The following NTRK2 variants were observed in gnomAD, a reference collection of about 807,000 sequenced individuals.
The protein encoded by NTRK2 is BDNF/NT-3 growth factors receptor.
In NTRK2, 13 loss-of-function variants were observed where a neutral mutation model predicts 94.5. That is an observed-to-expected ratio of 0.14 (90% confidence interval 0.09 to 0.22). The LOEUF (loss-of-function observed/expected upper bound fraction) is 0.22. Among genes scored for constraint, NTRK2 ranks in the 10% least tolerant of loss-of-function variants. The pLI is 1.00. For missense variants in NTRK2, 639 were observed against 1,071.2 expected (o/e 0.60, Z 5.63); for synonymous variants, 372 against 407.4 (o/e 0.91, Z 1.05).
intron 11 of NTRK2, among the ~76,000 whole-genome samples, chr9:84,748,410 T>C (rs571167578): frequency 6.6e-5 from 10 of 152,358 alleles, no homozygotes; most frequent in African/African-American, 2.2e-4. Flanking sequence ...CCACTTCCCA[T>C]TTTCTAGGTT....
At chr9:84,903,062 G>A (rs920153539) in intron 14 of NTRK2, among the ~76,000 whole-genome samples, 1 of 152,096 alleles carries the variant, frequency 6.6e-6, no homozygotes, top group Non-Finnish European at 1.5e-5. Context: ...GATTTTTACT[G>A]TACTGCTCGT....
At chr9:84,694,856 G>A (rs1320724533) in intron 2 of NTRK2, among the ~76,000 whole-genome samples, 1 of 151,944 alleles carries the variant, frequency 6.6e-6, no homozygotes, top group Non-Finnish European at 1.5e-5. Flanking sequence ...GGAGATGATA[G>A]ATTGATTGAT....
intron 14 of NTRK2, among the ~76,000 whole-genome samples, chr9:84,906,258 G>T (rs1312886676): frequency 6.6e-6 from 1 of 152,072 alleles, no homozygotes; most frequent in African/African-American, 2.4e-5. Flanking sequence ...GCAGCAAGGA[G>T]ATGAGGAAAA....
At chr9:84,875,845 C>A in intron 14 of NTRK2, 3 of 1,042,858 alleles carry the variant, frequency 2.9e-6, no homozygotes, top group Non-Finnish European at 3.5e-6. Context: ...AATAGTATGA[C>A]ATCCAATAAT....
At chr9:84,917,912 A>G (rs1023035401) in intron 14 of NTRK2, among the ~76,000 whole-genome samples, 3 of 152,128 alleles carry the variant, frequency 2.0e-5, no homozygotes, top group African/African-American at 7.2e-5. Context: ...CATCCTCATG[A>G]CAGAGTAATG....
At chr9:84,991,644 C>T (rs1829083589) in intron 17 of NTRK2, among the ~76,000 whole-genome samples, 1 of 152,160 alleles carries the variant, frequency 6.6e-6, no homozygotes. Flanking sequence ...TTGGAAGGCT[C>T]AGTTGCCATG....
chr9:84,782,324 T>G (rs1470700444), intron 12 of NTRK2, among the ~76,000 whole-genome samples: 1 of 152,156 alleles, frequency 6.6e-6, no homozygotes, highest in Admixed American at 6.5e-5. Flanking sequence ...GAAAACCATT[T>G]AAAAGGAAGC....
chr9:84,834,252 C>G (rs1008220075), intron 12 of NTRK2, among the ~76,000 whole-genome samples: 2 of 152,070 alleles, frequency 1.3e-5, no homozygotes, highest in Non-Finnish European at 2.9e-5. Context: ...GTTTCATGCA[C>G]AAAATAAAAA....
chr9:84,926,220 T>C (rs912704690), intron 14 of NTRK2, among the ~76,000 whole-genome samples: 1 of 140,906 alleles, frequency 7.1e-6, no homozygotes, highest in Non-Finnish European at 1.6e-5. Flanking sequence ...CTTTCTTTCT[T>C]TCTTTCTTTC....
intron 17 of NTRK2, among the ~76,000 whole-genome samples, chr9:84,964,406 T>A (rs1825314138): frequency 6.6e-6 from 1 of 152,188 alleles, no homozygotes; most frequent in African/African-American, 2.4e-5. Flanking sequence ...CAGCTTTATT[T>A]CTCACCCTGT....
At chr9:84,798,813 T>C (rs766534407) in intron 12 of NTRK2, among the ~76,000 whole-genome samples, 1 of 151,676 alleles carries the variant, frequency 6.6e-6, no homozygotes, top group Non-Finnish European at 1.5e-5. Flanking sequence ...ACATAAAGCA[T>C]TTGCCACTTC....
At chr9:84,977,721 T>G (rs1486536833) in intron 17 of NTRK2, among the ~76,000 whole-genome samples, 1 of 152,246 alleles carries the variant, frequency 6.6e-6, no homozygotes, top group East Asian at 1.9e-4. Context: ...TGTGCTTCAC[T>G]TTATTGCACT....
intron 12 of NTRK2, among the ~76,000 whole-genome samples, chr9:84,825,664 G>A (rs756026799): frequency 6.6e-6 from 1 of 152,236 alleles, no homozygotes; most frequent in Non-Finnish European, 1.5e-5. Context: ...TGATTATCAT[G>A]ATTGTTACCT....
At chr9:85,007,863 A>G (rs1831140003) in intron 17 of NTRK2, among the ~76,000 whole-genome samples, 1 of 152,174 alleles carries the variant, frequency 6.6e-6, no homozygotes, top group Non-Finnish European at 1.5e-5. Context: ...TATGCCTAGC[A>G]TGTGGCAGGC....
chr9:84,895,205 C>T (rs879542152), intron 14 of NTRK2, among the ~76,000 whole-genome samples: 1 of 152,158 alleles, frequency 6.6e-6, no homozygotes, highest in Non-Finnish European at 1.5e-5. Context: ...CCAGGCCTCA[C>T]TTTTAAGCAA....
chr9:84,823,090 A>G (rs1411005397), intron 12 of NTRK2, among the ~76,000 whole-genome samples: 2 of 145,980 alleles, frequency 1.4e-5, no homozygotes, highest in South Asian at 4.4e-4. Flanking sequence ...TACTACAATC[A>G]TTTTTTTTTT....
chr9:84,991,869 C>T (rs533027085), intron 17 of NTRK2, among the ~76,000 whole-genome samples: 5 of 152,262 alleles, frequency 3.3e-5, no homozygotes, highest in East Asian at 1.9e-4. Context: ...ACCTCCCAGC[C>T]GTGCACCTGT....
At position 84,811,077 on chromosome 9, in the gene NTRK2, T is replaced by C. The variant is rs552529637; in HGVS notation, c.1397-49963T>C. The stretch of plus-strand genomic sequence containing the variant: ...TTTAGTGTGATTTTCTATACTCTAA[T>C]CAGCACTGAATTCAGAGGGTTTGAC... On this transcript the variant is annotated intron_variant, in intron 12 of 18. Coordinates refer to ENST00000277120, the MANE Select transcript of NTRK2 (RefSeq NM_006180.6). The C allele has an allele frequency of 3.3e-5, 35 of 1,072,734 alleles. No homozygotes were observed. The African/African-American group carries it at 5.6e-4, about 17-fold the overall frequency. 66.5% of individuals were successfully genotyped at this position (1,072,734 alleles called of 1,614,324 possible).
At chr9:85,001,650 C>T (rs983114213) in intron 17 of NTRK2, among the ~76,000 whole-genome samples, 12 of 152,186 alleles carry the variant, frequency 7.9e-5, no homozygotes, top group African/African-American at 2.9e-4. Context: ...AACATTCTAT[C>T]AAAAGACCAA....
Sources: allele counts gnomAD v4.1 joint callset (sites outside exome capture counted in the v4.1 genomes callset), GRCh38; gene constraint gnomAD v4.1.1; transcripts MANE v1.5; gene names NCBI Gene and HGNC (gene_info 2026-07-23, HGNC 2026-07-21).